Variants in EPHA3 observed in about 807,000 individuals in gnomAD.
EPHA3 encodes the protein EPH receptor A3.
Under a neutral mutation model 107.1 loss-of-function variants are expected in EPHA3, and 42 were observed. The ratio of observed to expected loss-of-function variants is 0.39; its 90% confidence interval spans 0.31 to 0.51. The LOEUF (loss-of-function observed/expected upper bound fraction) is 0.51. EPHA3 is among the 20% of genes least tolerant of loss of function. The pLI, the probability that EPHA3 is intolerant of heterozygous loss-of-function variation, is 0.78. For missense variants in EPHA3, 1,183 were observed against 1,211.2 expected, an observed-to-expected ratio of 0.98 and a Z score of 0.35; for synonymous variants, 461 against 424.8, an observed-to-expected ratio of 1.09 and a Z score of -1.05.
chr3:89,412,216 AT>A (rs1302796475), intron 9 of EPHA3, among the ~76,000 whole-genome samples: 1 of 151,722 alleles, frequency 6.6e-6, no homozygotes, highest in Non-Finnish European at 1.5e-5. Context: ...ATTTTTCCAA[AT>A]TATAGGAATC....
chr3:89,381,821 GA>G (rs1451441330), intron 5 of EPHA3, among the ~76,000 whole-genome samples: 1 of 152,122 alleles, frequency 6.6e-6, no homozygotes, highest in Non-Finnish European at 1.5e-5. Flanking sequence ...AATGATGCTA[GA>G]ATGCGCAATC....
intron 2 of EPHA3, among the ~76,000 whole-genome samples, chr3:89,128,264 C>T (rs1192034708): frequency 1.3e-5 from 2 of 152,156 alleles, no homozygotes. Context: ...CTTCATCTAT[C>T]TGTCATCTTT....
intron 2 of EPHA3, among the ~76,000 whole-genome samples, chr3:89,152,148 A>G (rs1704703546): frequency 6.6e-6 from 1 of 152,086 alleles, no homozygotes; most frequent in African/African-American, 2.4e-5. Context: ...GAAGGTACTC[A>G]TCAACATTAT....
chr3:89,317,235 T>C lies in EPHA3; in HGVS notation c.815-23681T>C, dbSNP rs1215833317. ...ATTAGATTTTTCTCTTGGTTTGTCA[T>C]TTCTTTTATTGTTTACTGATAAACT... On this transcript the variant is annotated intron_variant, in intron 3 of 16. Transcript: ENST00000336596. 2.0e-5 allele frequency among the ~76,000 whole-genome samples: 3 copies of C among 151,864 alleles called. No individual in the cohort carries two copies. In the Admixed American group the frequency reaches 2.0e-4, roughly 10 times the overall value.
chr3:89,153,098 T>C (rs539303131), intron 2 of EPHA3, among the ~76,000 whole-genome samples: 1 of 152,200 alleles, frequency 6.6e-6, no homozygotes, highest in Admixed American at 6.6e-5. Flanking sequence ...AATTACTAAA[T>C]GGGCTATGTA....
chr3:89,420,906 T>G (rs1370507294), intron 11 of EPHA3, among the ~76,000 whole-genome samples: 1 of 151,486 alleles, frequency 6.6e-6, no homozygotes, highest in Non-Finnish European at 1.5e-5. Flanking sequence ...ACTATGACAT[T>G]ATTTCATTCT....
chr3:89,481,584 G>A lies in EPHA3; in HGVS notation c.*2082G>A. Reference sequence around the variant, plus strand: ...TGCATTTCATAAACTAATAGAAGTTGAGGATTGTTGAATCTATTTCACTTA... The same window carrying A: ...TGCATTTCATAAACTAATAGAAGTTAAGGATTGTTGAATCTATTTCACTTA... On this transcript the variant is annotated 3_prime_UTR_variant, in exon 17 of 17. Transcript: ENST00000336596. The A allele has an allele frequency of 4.3e-6, 1 of 232,598 alleles. No individual in the cohort carries two copies. The highest frequency in any genetic ancestry group is 8.5e-6 in the Non-Finnish European group (1 of 117,464). The allele number at this position is 232,598 out of a possible 1,614,324, so 14.4% of individuals were successfully genotyped here. A position where few individuals can be genotyped will look rare whatever the true frequency, so the allele number is the denominator to read the frequency against.
intron 15 of EPHA3, among the ~76,000 whole-genome samples, chr3:89,455,989 T>C (rs149319814): frequency 2.6e-4 from 40 of 152,330 alleles, no homozygotes; most frequent in African/African-American, 8.9e-4. Flanking sequence ...TCTCTCGTAT[T>C]ACCAGTGCAG....
chr3:89,210,985 C>A (rs554341524), intron 3 of EPHA3, among the ~76,000 whole-genome samples: 7 of 152,068 alleles, frequency 4.6e-5, no homozygotes, highest in Non-Finnish European at 7.4e-5. Flanking sequence ...GTCTTTTCTT[C>A]ACTGACATCT....
chr3:89,169,460 C>A (rs1255009835), intron 2 of EPHA3, among the ~76,000 whole-genome samples: 1 of 152,054 alleles, frequency 6.6e-6, no homozygotes, highest in Non-Finnish European at 1.5e-5. Context: ...TTAAATGATT[C>A]TTGCTTTTCA....
intron 1 of EPHA3, among the ~76,000 whole-genome samples, chr3:89,113,009 C>A (rs186715867): frequency 2.3e-4 from 35 of 152,132 alleles, no homozygotes; most frequent in African/African-American, 8.0e-4. Context: ...CAGGTGTCTC[C>A]TTTTGGGTTC....
chr3:89,147,184 G>T (rs140331465), intron 2 of EPHA3, among the ~76,000 whole-genome samples: 2 of 151,792 alleles, frequency 1.3e-5, no homozygotes, highest in African/African-American at 4.8e-5. Flanking sequence ...AGGGCCTGTC[G>T]GGGGTGGGGG....
intron 3 of EPHA3, among the ~76,000 whole-genome samples, chr3:89,288,200 G>A (rs148981917): frequency 3.3e-5 from 5 of 152,118 alleles, no homozygotes; most frequent in Admixed American, 6.5e-5. Context: ...ACAATGTCAC[G>A]TAGTCAATGT....
At chr3:89,446,045 T>G (rs1709870936) in intron 13 of EPHA3, among the ~76,000 whole-genome samples, 1 of 152,154 alleles carries the variant, frequency 6.6e-6, no homozygotes, top group South Asian at 2.1e-4. Context: ...AATTGAAAAT[T>G]TAAGTTTTTC....
chr3:89,439,373 G>A (rs1212133097), intron 13 of EPHA3, among the ~76,000 whole-genome samples: 16 of 152,058 alleles, frequency 1.1e-4, no homozygotes, highest in Non-Finnish European at 1.9e-4. Flanking sequence ...TGGGAGGGTC[G>A]CTTGAGCCCA....
intron 15 of EPHA3, among the ~76,000 whole-genome samples, chr3:89,470,725 C>G (rs1049043216): frequency 1.3e-5 from 2 of 152,124 alleles, no homozygotes; most frequent in African/African-American, 2.4e-5. Flanking sequence ...AAAGTTTTAC[C>G]TAAATGGCAC....
intron 12 of EPHA3, among the ~76,000 whole-genome samples, chr3:89,429,592 G>T (rs1188393106): frequency 6.6e-6 from 1 of 152,094 alleles, no homozygotes; most frequent in Non-Finnish European, 1.5e-5. Flanking sequence ...ATAAGCATGT[G>T]CTATAATGCT....
intron 15 of EPHA3, among the ~76,000 whole-genome samples, chr3:89,455,812 G>A (rs1369247471): frequency 1.3e-5 from 2 of 152,160 alleles, no homozygotes; most frequent in Non-Finnish European, 2.9e-5. Context: ...TCATTCTGTG[G>A]CAGCACCAGT....
At chr3:89,244,444 T>A (rs887652659) in intron 3 of EPHA3, among the ~76,000 whole-genome samples, 4 of 152,072 alleles carry the variant, frequency 2.6e-5, no homozygotes, top group African/African-American at 9.7e-5. Context: ...CATATTTAAA[T>A]TTTTTCCAGT....
Sources: gnomAD v4.1 joint callset for allele counts (sites outside exome capture counted in the v4.1 genomes callset) on GRCh38, gnomAD v4.1.1 for gene constraint, MANE v1.5 for transcripts, NCBI Gene and HGNC (gene_info 2026-07-23, HGNC 2026-07-21) for gene names.